The following DNAJC13 variants were observed in gnomAD, a reference collection of about 807,000 sequenced individuals.
DNAJC13 encodes DnaJ heat shock protein family (Hsp40) member C13.
Under a neutral mutation model 290.5 loss-of-function variants are expected in DNAJC13, and 75 were observed. That is an observed-to-expected ratio of 0.26 (90% confidence interval 0.21 to 0.31). The LOEUF (loss-of-function observed/expected upper bound fraction) is 0.31, where lower values mean the gene tolerates loss of function less well. Among genes scored for constraint, DNAJC13 ranks in the 10% least tolerant of loss-of-function variants. The probability of loss-of-function intolerance (pLI) is 1.00; values close to 1 mark genes in which losing one functional copy is unlikely to be tolerated. For missense variants in DNAJC13, 2,260 were observed against 2,674.5 expected (o/e 0.85, Z 3.42); for synonymous variants, 862 against 892.0 (o/e 0.97, Z 0.60).
chr3:132,509,801 A>G (rs1428793446), intron 43 of DNAJC13, among the ~76,000 whole-genome samples: 1 of 152,244 alleles, frequency 6.6e-6, no homozygotes, highest in Non-Finnish European at 1.5e-5. Flanking sequence ...CAGTTAAGGT[A>G]TGCACGTAGT....
chr3:132,434,653 T>TTA (rs750494611), intron 2 of DNAJC13, 35 bp downstream of exon 2: 15 of 1,526,670 alleles, frequency 9.8e-6, no homozygotes, highest in Non-Finnish European at 1.3e-5. Flanking sequence ...TTTCTGTGCT[T>TTA]CTATAAAATA....
rs185961214 is a variant in DNAJC13 at position 132,534,084 on chromosome 3, T to C, written c.6625+2987T>C. On this transcript the variant is annotated intron_variant, in intron 55 of 55. Coordinates refer to ENST00000260818, the MANE Select transcript of DNAJC13 (RefSeq NM_015268.4). Reference sequence around the variant, plus strand: ...GTTGGGGTATACAAATTTCTTCCCATCCCTGAGCCGGCTTAAGGGACAGCA... The same window carrying C: ...GTTGGGGTATACAAATTTCTTCCCACCCCTGAGCCGGCTTAAGGGACAGCA... Among the ~76,000 whole-genome samples, 241 of 152,234 alleles carry C rather than the reference T, an allele frequency of 1.6e-3. 1 individual carries two copies. The highest frequency in any genetic ancestry group is 2.5e-3 in the Non-Finnish European group (173 of 68,024).
At chr3:132,464,500 A>G (rs1296466423) in intron 17 of DNAJC13, among the ~76,000 whole-genome samples, 1 of 152,220 alleles carries the variant, frequency 6.6e-6, no homozygotes, top group Admixed American at 6.5e-5. Flanking sequence ...GACTTTTTAA[A>G]TAATAGCATA....
rs1933508137 is a variant in DNAJC13, at chr3:132,454,111, A to G, written c.886A>G (p.Ile296Val). 6.2e-7 allele frequency: 1 copy of G among 1,607,634 alleles called. No individual in the cohort carries two copies. The highest frequency in any genetic ancestry group is 8.5e-7 in the Non-Finnish European group (1 of 1,178,194). ...CDSENPQLFT[I>V]EFIKGQVRKY... ...CTCAGAAAATCCACAACTTTTTACCATTGAATTTATAAAAGGGCAAGTACG... is the reference window on the plus strand; with the variant it reads ...CTCAGAAAATCCACAACTTTTTACCGTTGAATTTATAAAAGGGCAAGTACG... Residue 296 changes from isoleucine to valine, a missense_variant, in exon 9 of 56, where the codon ATT (isoleucine) becomes GTT (valine). Ile to Val is a conservative substitution (Grantham distance 29). Coordinates refer to ENST00000260818, the MANE Select transcript of DNAJC13 (RefSeq NM_015268.4).
At chr3:132,457,581 T>C in intron 13 of DNAJC13, 1 of 488,578 alleles carries the variant, frequency 2.0e-6, no homozygotes, top group Non-Finnish European at 3.7e-6. Flanking sequence ...GAAGTTCTTT[T>C]CTTCCTCACT....
At chr3:132,471,865 A>G (rs1360400114) in intron 20 of DNAJC13, among the ~76,000 whole-genome samples, 1 of 146,720 alleles carries the variant, frequency 6.8e-6, no homozygotes, top group Non-Finnish European at 1.5e-5. Flanking sequence ...AGAGGCTGCA[A>G]TCTCGGCACT....
chr3:132,474,878 A>AT lies in DNAJC13; in HGVS notation c.2292-48dup, dbSNP rs1934417051. 10 of 676,516 alleles carry AT rather than the reference A, an allele frequency of 1.5e-5. No homozygotes were observed. The Admixed American group carries it at 1.6e-4, about 11-fold the overall frequency. The allele number at this position is 676,516 out of a possible 1,614,324, so 41.9% of individuals were successfully genotyped here. ...TAAGGTCAGTAAGGGATATTTATAG[A>AT]TTTTTTAAAATGCTTAGTGCATCCT... On this transcript the variant is annotated intron_variant, in intron 21 of 55. Transcript: ENST00000260818.
chr3:132,451,596 A>T (rs1346540798), intron 6 of DNAJC13, among the ~76,000 whole-genome samples: 1 of 152,140 alleles, frequency 6.6e-6, no homozygotes, highest in Non-Finnish European at 1.5e-5. Context: ...GCGGTAGAGA[A>T]AGTCTCCAAA....
chr3:132,455,115 A>G (rs1001205627), intron 9 of DNAJC13, among the ~76,000 whole-genome samples: 3 of 152,200 alleles, frequency 2.0e-5, no homozygotes, highest in Non-Finnish European at 4.4e-5. Flanking sequence ...TTTGCAAAGC[A>G]TATAGCTAAT....
chr3:132,491,902 A>T (rs1935068334), intron 32 of DNAJC13, among the ~76,000 whole-genome samples: 2 of 152,138 alleles, frequency 1.3e-5, no homozygotes, highest in African/African-American at 4.8e-5. Flanking sequence ...ATATATAAGA[A>T]TATTAATAAA....
Position 132,538,373 on chromosome 3 carries a change from C to A in DNAJC13, c.*91C>A. Reference sequence around the variant, plus strand: ...GTTGAAGCAAACTCTTACTGCCTTTCTCCTGGTTTCATGACAGTGTTATTC... The same window carrying A: ...GTTGAAGCAAACTCTTACTGCCTTTATCCTGGTTTCATGACAGTGTTATTC... On this transcript the variant is annotated 3_prime_UTR_variant, in exon 56 of 56. Transcript: ENST00000260818. 1 of 928,416 alleles carries A rather than the reference C, an allele frequency of 1.1e-6. No homozygotes were observed. The highest frequency in any genetic ancestry group is 1.6e-6 in the Non-Finnish European group (1 of 606,930). The allele number at this position is 928,416 out of a possible 1,614,324, so 57.5% of individuals were successfully genotyped here.
In DNAJC13 at chr3:132,461,146, T is replaced by A. The variant is rs1306382534; in HGVS notation, c.1654T>A (p.Phe552Ile). Residue 552 changes from phenylalanine to isoleucine, a missense_variant, in exon 15 of 56, where the codon TTT becomes ATT. By Grantham distance (21) the Phe-to-Ile change is conservative. Coordinates refer to ENST00000260818, the MANE Select transcript of DNAJC13 (RefSeq NM_015268.4). ...TAGTGAGACAACTGAAGGGCAGCAG[T>A]TTGATATGCTCTTGGAGATGGTAGC... Reference protein sequence around the residue: ...PYSETTEGQQFDMLLEMVASN... With the variant: ...PYSETTEGQQIDMLLEMVASN... 6.2e-7 allele frequency: 1 copy of A among 1,614,132 alleles called. No individual in the cohort carries two copies. The highest frequency in any genetic ancestry group is 1.3e-5 in the African/African-American group (1 of 75,058).
In DNAJC13 at chr3:132,525,745, C is replaced by T. The variant is rs1936235651; in HGVS notation, c.6196C>T (p.Pro2066Ser). 6.2e-7 allele frequency: 1 copy of T among 1,614,136 alleles called. No individual in the cohort carries two copies. The highest frequency in any genetic ancestry group is 8.5e-7 in the Non-Finnish European group (1 of 1,179,992). ...QAMNHRNNAI[P>S]KSAIRVIHAL... The stretch of plus-strand genomic sequence containing the variant: ...AATGAATCATAGGAACAATGCCATT[C>T]CTAAGAGTGCCATTCGGGTTATCCA... Residue 2066 changes from proline (P) to serine (S), a missense_variant, in exon 52 of 56, where the codon CCT (proline) becomes TCT (serine). Coordinates refer to ENST00000260818, the MANE Select transcript of DNAJC13 (RefSeq NM_015268.4).
intron 2 of DNAJC13, among the ~76,000 whole-genome samples, chr3:132,435,950 T>C (rs1466333737): frequency 6.6e-6 from 1 of 152,172 alleles, no homozygotes; most frequent in Non-Finnish European, 1.5e-5. Flanking sequence ...ACTATCCTCT[T>C]TTTTCCTCGT....
intron 33 of DNAJC13, 100 bp from the exon 34 acceptor site, chr3:132,494,044 G>A: frequency 2.5e-6 from 2 of 801,508 alleles, no homozygotes; most frequent in Non-Finnish European, 3.9e-6. Flanking sequence ...ACAGCTAAAA[G>A]TATCCATTTA....
At chr3:132,529,786 C>CA (rs11402210) in intron 54 of DNAJC13, among the ~76,000 whole-genome samples, 30,283 of 92,486 alleles carry the variant, frequency 0.33, 3,638 homozygotes, top group South Asian at 0.4. Flanking sequence ...GACTCTGTCT[C>CA]AAAAAAAAAA....
chr3:132,467,738 T>G (rs1432692150), intron 20 of DNAJC13, among the ~76,000 whole-genome samples: 2 of 152,190 alleles, frequency 1.3e-5, no homozygotes, highest in African/African-American at 4.8e-5. Flanking sequence ...GTGCTGGGAT[T>G]ACAGGCGTGA....
intron 55 of DNAJC13, among the ~76,000 whole-genome samples, chr3:132,536,270 C>A (rs369738410): frequency 8.5e-5 from 13 of 152,244 alleles, no homozygotes; most frequent in African/African-American, 3.1e-4. Flanking sequence ...ATGGACAGGC[C>A]GAATCCGCTA....
intron 21 of DNAJC13, 105 bp from the exon 22 acceptor site, chr3:132,474,827 T>C (rs1351525834): frequency 0.01 from 1,039 of 101,684 alleles, 14 homozygotes; most frequent in Non-Finnish European, 0.016. Context: ...CCCCCCCCCC[T>C]TTTTTTTTTT....
Sources: allele counts gnomAD v4.1 joint callset (sites outside exome capture counted in the v4.1 genomes callset), GRCh38; gene constraint gnomAD v4.1.1; transcripts MANE v1.5; gene names NCBI Gene and HGNC (gene_info 2026-07-23, HGNC 2026-07-21).